The following ESD variants were observed in gnomAD, a reference collection of about 807,000 sequenced individuals.
ESD encodes S-formylglutathione hydrolase.
In ESD, 34 loss-of-function variants were observed where a neutral mutation model predicts 38.1. That is an observed-to-expected ratio of 0.89 (90% confidence interval 0.68 to 1.19). The LOEUF is 1.19. ESD is among the 50% of genes most tolerant of loss of function. The pLI, the probability that ESD is intolerant of heterozygous loss-of-function variation, is 0.00. For missense variants in ESD, 334 were observed against 327.2 expected (o/e 1.02, Z -0.16); for synonymous variants, 97 against 107.0 (o/e 0.91, Z 0.58).
At chr13:46,778,582 C>T (rs1474747847) in intron 8 of ESD, among the ~76,000 whole-genome samples, 1 of 151,828 alleles carries the variant, frequency 6.6e-6, no homozygotes, top group Non-Finnish European at 1.5e-5. Context: ...CTACCTCTCA[C>T]CTTCACCCTC....
chr13:46,782,451 A>G (rs1482859096), intron 6 of ESD, among the ~76,000 whole-genome samples: 1 of 151,846 alleles, frequency 6.6e-6, no homozygotes, highest in Non-Finnish European at 1.5e-5. Flanking sequence ...TATTCTGGGT[A>G]GTATAAACAG....
At position 46,782,604 on chromosome 13, in the gene ESD, T is replaced by C. The variant is rs1489070682; in HGVS notation, c.381+63A>G. The C allele has an allele frequency of 2.6e-6, 4 of 1,567,908 alleles. No individual in the cohort carries two copies. The East Asian group carries it at 9.0e-5, about 35-fold the overall frequency. On this transcript the variant is annotated intron_variant, in intron 6 of 9. Transcript: ENST00000378720. ...TTAAAATCCTCAGGATTGTAAGGAC[T>C]TTGTGTTCAAAATCAAACTCTTGGC...
intron 9 of ESD, chr13:46,775,417 C>T (rs1874757934): frequency 9.2e-6 from 2 of 216,632 alleles, no homozygotes; most frequent in African/African-American, 4.7e-5. Flanking sequence ...TTTCTCAGAT[C>T]GTTTATTTAT....
Position 46,784,301 on chromosome 13 carries a change from CTGA to C in ESD, c.204_206del (p.His68del), listed in dbSNP as rs774116723. 7 of 1,611,722 alleles carry C rather than the reference CTGA, an allele frequency of 4.3e-6. No homozygotes were observed. The highest frequency in any genetic ancestry group is 5.9e-6 in the Non-Finnish European group (7 of 1,178,834). On this transcript the variant is annotated inframe_deletion, in exon 5 of 10. Coordinates refer to ENST00000378720, the MANE Select transcript of ESD (RefSeq NM_001984.2). ...CAACAAGACCATGTTCTGAAGCAGA[CTGA>C]TGATAACCAGATTTTGATATAAAAT...
chr13:46,782,981 G>A (rs1449916536), intron 5 of ESD, among the ~76,000 whole-genome samples, 190 bp from the exon 6 acceptor site: 1 of 151,906 alleles, frequency 6.6e-6, no homozygotes, highest in Non-Finnish European at 1.5e-5. Context: ...GGGGCCCTGC[G>A]ACTCGTTCTG....
At chr13:46,780,809 T>C (rs1411009399) in intron 7 of ESD, among the ~76,000 whole-genome samples, 1 of 151,668 alleles carries the variant, frequency 6.6e-6, no homozygotes, top group Non-Finnish European at 1.5e-5. Context: ...ACACCTAAAA[T>C]AATCAAGTTC....
Position 46,791,432 on chromosome 13 carries a change from G to A in ESD, c.-7-12C>T. The A allele has an allele frequency of 1.3e-6, 2 of 1,591,446 alleles. No homozygotes were observed. Among genetic ancestry groups the A allele is most frequent in the South Asian group, 1.1e-5 (1 of 88,010 alleles). On this transcript the variant is annotated splice_polypyrimidine_tract_variant and intron_variant, in intron 2 of 9. Transcript: ENST00000378720. ...ATGCCATTCTTTTCCTATTAGTAAA[G>A]AGTAATCTCATTAATTTCCAGAGAA... is the stretch of plus-strand genomic sequence containing the variant.
chr13:46,792,993 G>A (rs1875449452), intron 2 of ESD, among the ~76,000 whole-genome samples: 1 of 151,924 alleles, frequency 6.6e-6, no homozygotes, highest in East Asian at 1.9e-4. Flanking sequence ...TTTGCTATTC[G>A]TCTATTTTAA....
At chr13:46,788,502 T>C (rs983338904) in intron 3 of ESD, among the ~76,000 whole-genome samples, 1 of 152,006 alleles carries the variant, frequency 6.6e-6, no homozygotes, top group Non-Finnish European at 1.5e-5. Context: ...TACAGAATGG[T>C]TGGTGCCTTA....
intron 7 of ESD, among the ~76,000 whole-genome samples, 165 bp downstream of exon 7, chr13:46,781,331 A>G (rs1874991287): frequency 6.6e-6 from 1 of 151,676 alleles, no homozygotes; most frequent in African/African-American, 2.4e-5. Context: ...TGCAGCATAC[A>G]CTCTATGGTC....
intron 1 of ESD, among the ~76,000 whole-genome samples, chr13:46,795,670 AG>A (rs1163839360): frequency 6.6e-6 from 1 of 152,220 alleles, no homozygotes; most frequent in Non-Finnish European, 1.5e-5. Context: ...AAAACCATGC[AG>A]GATCACTGAA....
intron 6 of ESD, among the ~76,000 whole-genome samples, chr13:46,782,194 G>T (rs1420991231): frequency 2.0e-5 from 3 of 151,702 alleles, no homozygotes; most frequent in African/African-American, 7.3e-5. Flanking sequence ...TGTTTTGGGG[G>T]GGTAACAGAA....
At chr13:46,796,339 T>C (rs1378370572) in intron 1 of ESD, among the ~76,000 whole-genome samples, 2 of 152,222 alleles carry the variant, frequency 1.3e-5, no homozygotes, top group Non-Finnish European at 1.5e-5. Flanking sequence ...AAAATGGGTA[T>C]ACAGTAATAT....
At chr13:46,792,018 A>G (rs1046142708) in intron 2 of ESD, among the ~76,000 whole-genome samples, 9 of 152,098 alleles carry the variant, frequency 5.9e-5, no homozygotes, top group Non-Finnish European at 8.8e-5. Context: ...AAACAAACCA[A>G]TAAGTAAAAC....
chr13:46,780,952 GCACAGTATGA>G (rs958706595), intron 7 of ESD, among the ~76,000 whole-genome samples: 5 of 151,686 alleles, frequency 3.3e-5, no homozygotes, highest in African/African-American at 1.2e-4. Flanking sequence ...ATGCTGTTCT[GCACAGTATGA>G]CATACTACAT....
chr13:46,782,575 T>C, intron 6 of ESD, 92 bp downstream of exon 6: 2 of 1,392,040 alleles, frequency 1.4e-6, no homozygotes, highest in Non-Finnish European at 9.8e-7. Context: ...TTTTATACCC[T>C]AGTTTAAAAT....
At chr13:46,796,157 C>T (rs7337196) in intron 1 of ESD, among the ~76,000 whole-genome samples, 3,200 of 152,228 alleles carry the variant, frequency 0.021, 111 homozygotes, top group African/African-American at 0.072. Context: ...CTCAACTATG[C>T]ATAATTCTAG....
chr13:46,791,717 ATACATAAG>A (rs1349811527), intron 2 of ESD, among the ~76,000 whole-genome samples: 1 of 152,104 alleles, frequency 6.6e-6, no homozygotes, highest in Non-Finnish European at 1.5e-5. Flanking sequence ...GAGGCAGAAA[ATACATAAG>A]TTACCAATTA....
intron 9 of ESD, among the ~76,000 whole-genome samples, chr13:46,775,216 GA>G (rs1297560507): frequency 4.6e-5 from 7 of 150,922 alleles, no homozygotes; most frequent in Non-Finnish European, 1.0e-4. Flanking sequence ...AGCCAAAATA[GA>G]AAAAGAAAAA....
Sources: allele counts gnomAD v4.1 joint callset (sites outside exome capture counted in the v4.1 genomes callset), GRCh38; gene constraint gnomAD v4.1.1; transcripts MANE v1.5; gene names NCBI Gene and HGNC (gene_info 2026-07-23, HGNC 2026-07-21).